The following KYAT3 variants were observed in gnomAD, a reference collection of about 807,000 sequenced individuals.
KYAT3 encodes the protein kynurenine--oxoglutarate transaminase 3.
KYAT3 carries 50 observed loss-of-function variants against 59.0 expected under a neutral mutation model. That is an observed-to-expected ratio of 0.85 (90% CI 0.68 to 1.07). The LOEUF (loss-of-function observed/expected upper bound fraction) is 1.07, where lower values mean the gene tolerates loss of function less well. KYAT3 is among the 50% of genes least tolerant of loss of function. The pLI is 0.00. For synonymous variants in KYAT3, 148 were observed against 177.0 expected, an observed-to-expected ratio of 0.84 and a Z score of 1.30; for missense variants, 497 against 533.3, an observed-to-expected ratio of 0.93 and a Z score of 0.67.
At chr1:88,971,051 G>A (rs1278474164) in intron 2 of KYAT3, among the ~76,000 whole-genome samples, 5 of 152,154 alleles carry the variant, frequency 3.3e-5, no homozygotes, top group Non-Finnish European at 7.3e-5. Context: ...GACAACAGTT[G>A]TACAACTACC....
chr1:88,936,277 C>A, intron 13 of KYAT3, 32 bp from the exon 14 acceptor site: 1 of 1,408,570 alleles, frequency 7.1e-7, no homozygotes, highest in Non-Finnish European at 1.0e-6. Context: ...ATCATTATTA[C>A]AGATATACAT....
At chr1:88,924,375 G>A in the KYAT3 span, among the ~76,000 whole-genome samples, 7 of 152,168 alleles carry the variant, frequency 4.6e-5, no homozygotes, top group African/African-American at 1.7e-4. Flanking sequence ...TCACACTCTT[G>A]CTGGGCTTCA....
At chr1:88,971,870 C>G (rs1466623158) in intron 2 of KYAT3, among the ~76,000 whole-genome samples, 1 of 152,168 alleles carries the variant, frequency 6.6e-6, no homozygotes, top group African/African-American at 2.4e-5. Context: ...CAAGTCATCA[C>G]TTAAAAGTGT....
At chr1:88,987,740 A>G (rs1167640207) in intron 2 of KYAT3, among the ~76,000 whole-genome samples, 1 of 152,214 alleles carries the variant, frequency 6.6e-6, no homozygotes, top group East Asian at 1.9e-4. Context: ...AAATATTGCT[A>G]CTTATATAAC....
At chr1:88,973,554 T>C (rs781443422) in intron 2 of KYAT3, among the ~76,000 whole-genome samples, 3 of 152,218 alleles carry the variant, frequency 2.0e-5, no homozygotes, top group Non-Finnish European at 4.4e-5. Context: ...GTATAACTTC[T>C]GGATCAGCTA....
At chr1:88,946,197 G>C (rs1420090013) in intron 11 of KYAT3, among the ~76,000 whole-genome samples, 1 of 152,100 alleles carries the variant, frequency 6.6e-6, no homozygotes, top group Non-Finnish European at 1.5e-5. Flanking sequence ...CAAAAACTAC[G>C]CAACTAATTT....
intron 2 of KYAT3, among the ~76,000 whole-genome samples, chr1:88,970,562 T>C (rs1238245277): frequency 2.0e-5 from 3 of 152,222 alleles, no homozygotes; most frequent in Admixed American, 6.5e-5. Flanking sequence ...AAAATATTAC[T>C]AGAATGCTGC....
At chr1:88,961,926 T>C in intron 6 of KYAT3, 133 bp downstream of exon 6, 1 of 671,130 alleles carries the variant, frequency 1.5e-6, no homozygotes, top group Non-Finnish European at 2.6e-6. Context: ...AAAAGACAAC[T>C]AGACAAATAG....
intron 4 of KYAT3, among the ~76,000 whole-genome samples, chr1:88,967,091 C>T (rs746725844): frequency 6.6e-6 from 1 of 152,084 alleles, no homozygotes; most frequent in African/African-American, 2.4e-5. Context: ...CACATGCACA[C>T]ACACATATCT....
intron 2 of KYAT3, chr1:88,983,836 T>C (rs1677260033): frequency 6.2e-7 from 1 of 1,613,662 alleles, no homozygotes; most frequent in Admixed American, 1.7e-5. Flanking sequence ...TTTTTTTTTT[T>C]GCCGGTGAGT....
At chr1:88,935,160 A>ATT (rs111681890), downstream of KYAT3, among the ~76,000 whole-genome samples, 3 of 142,250 alleles carry the variant, frequency 2.1e-5, no homozygotes, top group African/African-American at 2.6e-5. Context: ...CGCCCAGCCA[A>ATT]TTTTTTTTTT....
the KYAT3 span, among the ~76,000 whole-genome samples, chr1:88,926,553 C>A: frequency 2.2e-4 from 34 of 152,268 alleles, no homozygotes; most frequent in African/African-American, 7.9e-4. Context: ...TGGGCTCAAG[C>A]GATCCTCCTG....
Position 88,984,552 on chromosome 1 carries a change from T to G in KYAT3, c.99+3700A>C, listed in dbSNP as rs576755671. 9.2e-5 allele frequency among the ~76,000 whole-genome samples: 14 copies of G among 152,360 alleles called. 1 individual carries two copies. The South Asian group carries it at 2.9e-3, about 32-fold the overall frequency. ...ACAACATATAGTTTGTTACTTTATT[T>G]TATAAAGAATTATTTGTGCCTGATA... On this transcript the variant is annotated intron_variant, in intron 2 of 13. Coordinates refer to ENST00000260508, the MANE Select transcript of KYAT3 (RefSeq NM_001008661.3).
chr1:88,928,414 C>T, the KYAT3 span, among the ~76,000 whole-genome samples: 2 of 152,090 alleles, frequency 1.3e-5, no homozygotes, highest in Admixed American at 1.3e-4. Context: ...TAGTCATGGC[C>T]CTCAGGCAAG....
intron 8 of KYAT3, among the ~76,000 whole-genome samples, chr1:88,956,083 T>A (rs1321181474): frequency 6.6e-6 from 1 of 152,212 alleles, no homozygotes; most frequent in African/African-American, 2.4e-5. Context: ...TGAATGAAAC[T>A]TATCAAACAC....
intron 10 of KYAT3, among the ~76,000 whole-genome samples, chr1:88,951,256 C>T (rs906289021): frequency 3.4e-5 from 5 of 147,432 alleles, no homozygotes; most frequent in African/African-American, 7.5e-5. Flanking sequence ...TTTTTTGAGA[C>T]GAAGTCTTGC....
downstream of KYAT3, among the ~76,000 whole-genome samples, chr1:88,931,064 G>A (rs1674896801): frequency 6.6e-6 from 1 of 152,152 alleles, no homozygotes; most frequent in Non-Finnish European, 1.5e-5. Flanking sequence ...AGGATGGCTA[G>A]CCACCAAGAA....
At chr1:88,939,932 G>C (rs1356562469) in intron 13 of KYAT3, among the ~76,000 whole-genome samples, 1 of 151,986 alleles carries the variant, frequency 6.6e-6, no homozygotes, top group Non-Finnish European at 1.5e-5. Context: ...ATCTGAAATA[G>C]CACTAATTTT....
the KYAT3 span, among the ~76,000 whole-genome samples, chr1:88,927,863 C>A: frequency 6.6e-6 from 1 of 152,118 alleles, no homozygotes; most frequent in Non-Finnish European, 1.5e-5. Context: ...GACACTAACC[C>A]CAAATGAGAG....
Sources: gnomAD v4.1 joint callset for allele counts (sites outside exome capture counted in the v4.1 genomes callset) on GRCh38, gnomAD v4.1.1 for gene constraint, MANE v1.5 for transcripts, NCBI Gene and HGNC (gene_info 2026-07-23, HGNC 2026-07-21) for gene names.